Variants in GALR1 observed in about 807,000 individuals in gnomAD.
GALR1 encodes galanin receptor 1, also known as galanin receptor type 1.
Under a neutral mutation model 17.9 loss-of-function variants are expected in GALR1, and 11 were observed. The ratio of observed to expected loss-of-function variants is 0.62; its 90% CI spans 0.39 to 1.02. The LOEUF (loss-of-function observed/expected upper bound fraction) is 1.02. Ranked by LOEUF, GALR1 falls within the 50% of genes least tolerant of loss-of-function variation. GALR1 has a pLI of 0.01. For missense variants in GALR1, 441 were observed against 456.9 expected, an observed-to-expected ratio of 0.97 and a Z score of 0.32; for synonymous variants, 206 against 205.7, an observed-to-expected ratio of 1.00 and a Z score of -0.01.
intron 1 of GALR1, among the ~76,000 whole-genome samples, chr18:77,252,989 T>TCACCAC (rs1912497112): frequency 1.2e-4 from 3 of 25,020 alleles, no homozygotes; most frequent in African/African-American, 4.0e-4. Context: ...ATCACCACCA[T>TCACCAC]CACCACCACC....
rs1413637798 is a variant in GALR1 at position 77,274,003 on chromosome 18, T to G, written c.*5101T>G. The G allele has an allele frequency of 6.6e-6, 1 of 152,210 alleles. No homozygotes were observed. Among genetic ancestry groups the G allele is most frequent in the Non-Finnish European group, 1.5e-5 (1 of 68,048 alleles). 9.4% of individuals were successfully genotyped at this position (152,210 alleles called of 1,614,324 possible). ...TAGTGGTGATCGTTATGGTAACCCA[T>G]GAACTCGGATGAATTTCGGGGCCTG... On this transcript the variant is annotated 3_prime_UTR_variant, in exon 3 of 3. Transcript: ENST00000299727.
rs77169818 is a variant in GALR1 at position 77,268,645 on chromosome 18, A to T, written c.793A>T (p.Ile265Phe). ...VFGISWLPHHIIHLWAEFGVF... is the reference protein window; with the variant it reads ...VFGISWLPHHFIHLWAEFGVF... ...TGGAATCTCCTGGCTGCCGCACCAC[A>T]TCATCCATCTCTGGGCTGAGTTTGG... is the stretch of plus-strand genomic sequence containing the variant. Residue 265 changes from isoleucine to phenylalanine, a missense_variant, in exon 3 of 3, where the codon ATC (isoleucine) becomes TTC (phenylalanine). Physicochemically the swap from Ile to Phe is conservative, Grantham distance 21. Coordinates refer to ENST00000299727, the MANE Select transcript of GALR1 (RefSeq NM_001480.4). The T allele has an allele frequency of 0.045, 72,440 of 1,613,960 alleles. 2,095 individuals carry two copies. Among genetic ancestry groups the T allele is most frequent in the Admixed American group, 0.11 (6,869 of 59,994 alleles).
Position 77,250,681 on chromosome 18 carries a change from G to A in GALR1, c.133G>A (p.Ala45Thr), listed in dbSNP as rs1599352163. 1.2e-6 allele frequency: 2 copies of A among 1,612,908 alleles called. No individual in the cohort carries two copies. The highest frequency in any genetic ancestry group is 1.7e-6 in the Non-Finnish European group (2 of 1,179,820). Reference protein sequence around the residue: ...VTLVVFGLIFALGVLGNSLVI... With the variant: ...VTLVVFGLIFTLGVLGNSLVI... The stretch of plus-strand genomic sequence containing the variant: ...GCTGGTGGTGTTCGGCCTGATCTTC[G>A]CGCTGGGTGTGCTGGGCAACAGCCT... Residue 45 changes from alanine (A) to threonine (T), a missense_variant, in exon 1 of 3, where the codon GCG becomes ACG. Ala to Thr is a moderately conservative substitution (Grantham distance 58). Coordinates refer to ENST00000299727, the MANE Select transcript of GALR1 (RefSeq NM_001480.4).
In GALR1 at chr18:77,273,666, G is replaced by A. The variant is rs546608309; in HGVS notation, c.*4764G>A. On this transcript the variant is annotated 3_prime_UTR_variant, in exon 3 of 3. Transcript: ENST00000299727. ...AATAAAAATTAAAAAAAAAAAAGAA[G>A]GTGGCCAGTGAGGGTTTTATCTTTG... 1 of 151,940 alleles carries A rather than the reference G, an allele frequency of 6.6e-6. No individual in the cohort carries two copies. The highest frequency in any genetic ancestry group is 1.5e-5 in the Non-Finnish European group (1 of 68,014). 9.4% of individuals were successfully genotyped at this position (151,940 alleles called of 1,614,324 possible). A position where few individuals can be genotyped will look rare whatever the true frequency, so the allele number is the denominator to read the frequency against.
intron 2 of GALR1, among the ~76,000 whole-genome samples, chr18:77,264,305 G>A (rs187713278): frequency 9.2e-5 from 14 of 152,214 alleles, no homozygotes; most frequent in Admixed American, 2.0e-4. Context: ...ATCTGTGGTG[G>A]GACAGTGCTG....
intron 1 of GALR1, among the ~76,000 whole-genome samples, chr18:77,251,951 G>C (rs754310813): frequency 3.9e-5 from 6 of 152,222 alleles, no homozygotes; most frequent in Non-Finnish European, 8.8e-5. Context: ...CAGGCTCCAG[G>C]AACTTGGAAT....
At chr18:77,264,557 G>A (rs1157161321) in intron 2 of GALR1, among the ~76,000 whole-genome samples, 2 of 152,056 alleles carry the variant, frequency 1.3e-5, no homozygotes, top group Non-Finnish European at 2.9e-5. Context: ...CTGCTTTCCT[G>A]CTCCATGAAA....
chr18:77,263,099 C>T (rs1912868496), intron 2 of GALR1, among the ~76,000 whole-genome samples: 2 of 152,166 alleles, frequency 1.3e-5, no homozygotes, highest in African/African-American at 4.8e-5. Flanking sequence ...AATGCAATAC[C>T]CGGAGGGTAA....
At position 77,274,845 on chromosome 18, in the gene GALR1, A is replaced by G. The variant is rs1452351296; in HGVS notation, c.*5943A>G. On this transcript the variant is annotated 3_prime_UTR_variant, in exon 3 of 3. Transcript: ENST00000299727. ...CATTCACTCTTTTTATTACTTATAC[A>G]CATGTCTGTTTTTATTCTTCCCTAC... 1 of 152,160 alleles carries G rather than the reference A, an allele frequency of 6.6e-6. No individual in the cohort carries two copies. The allele number at this position is 152,160 out of a possible 1,614,324, so 9.4% of individuals were successfully genotyped here.
chr18:77,255,799 G>C (rs1912574417), intron 1 of GALR1, among the ~76,000 whole-genome samples: 2 of 152,144 alleles, frequency 1.3e-5, no homozygotes. Flanking sequence ...AATATATGGG[G>C]TCCTGGAAGA....
Position 77,273,152 on chromosome 18 carries a change from G to C in GALR1, c.*4250G>C, listed in dbSNP as rs1452104965. The C allele has an allele frequency of 1.3e-5, 2 of 152,074 alleles. No homozygotes were observed. The highest frequency in any genetic ancestry group is 2.9e-5 in the Non-Finnish European group (2 of 68,040). 9.4% of individuals were successfully genotyped at this position (152,074 alleles called of 1,614,324 possible). A position where few individuals can be genotyped will look rare whatever the true frequency, so the allele number is the denominator to read the frequency against. ...CTGAGGGTAGCATGTCTGTTTGACT[G>C]GGCAAGACCCTCACATACCTTGGCA... On this transcript the variant is annotated 3_prime_UTR_variant, in exon 3 of 3. Transcript: ENST00000299727.
chr18:77,258,483 T>C (rs1011886868), intron 2 of GALR1, among the ~76,000 whole-genome samples: 7 of 151,116 alleles, frequency 4.6e-5, no homozygotes, highest in African/African-American at 2.4e-5. Context: ...GTGGTGGTGA[T>C]GGTGGTGGGT....
Position 77,251,160 on chromosome 18 carries a change from C to G in GALR1, c.612C>G (p.Thr204=). The change falls in exon 1 of 3, where the codon ACC becomes ACG. Residue 204 remains threonine, a synonymous_variant. Transcript: ENST00000299727. ...PRHKKAYVVC[T]FVFGYLLPLL... Reference sequence around the variant, plus strand: ...ACAAGAAGGCCTACGTGGTGTGCACCTTCGTCTTCGGCTACCTGCTGCCGC... The same window carrying G: ...ACAAGAAGGCCTACGTGGTGTGCACGTTCGTCTTCGGCTACCTGCTGCCGC... The G allele has an allele frequency of 6.2e-7, 1 of 1,611,578 alleles. No homozygotes were observed.
intron 2 of GALR1, 78 bp downstream of exon 2, chr18:77,256,301 T>C: frequency 1.2e-6 from 1 of 816,412 alleles, no homozygotes; most frequent in Non-Finnish European, 2.0e-6. Flanking sequence ...TGTCCTCACG[T>C]CCATCCAAAG....
chr18:77,256,237 A>C lies in GALR1; in HGVS notation c.732+14A>C. 1.7e-6 allele frequency: 2 copies of C among 1,168,652 alleles called. No homozygotes were observed. The highest frequency in any genetic ancestry group is 2.5e-6 in the Non-Finnish European group (2 of 802,324). 72.4% of individuals were successfully genotyped at this position (1,168,652 alleles called of 1,614,324 possible). A position where few individuals can be genotyped will look rare whatever the true frequency, so the allele number is the denominator to read the frequency against. On this transcript the variant is annotated intron_variant, in intron 2 of 2. Transcript: ENST00000299727. ...TCCAAGAAAAAGGTAATGATCACAAATATATATATATATGTTACTTTTCAG... is the reference window on the plus strand; with the variant it reads ...TCCAAGAAAAAGGTAATGATCACAACTATATATATATATGTTACTTTTCAG...
At position 77,275,974 on chromosome 18, in the gene GALR1, T is replaced by C. The variant is rs567589168; in HGVS notation, c.*7072T>C. ...TGAGTGAATACACAGATTCCTAGAT[T>C]TGAGATATTTTCAAAATAGGGCTAG... On this transcript the variant is annotated 3_prime_UTR_variant, in exon 3 of 3. Coordinates refer to ENST00000299727, the MANE Select transcript of GALR1 (RefSeq NM_001480.4). 1 of 152,254 alleles carries C rather than the reference T, an allele frequency of 6.6e-6. No individual in the cohort carries two copies. Among genetic ancestry groups the C allele is most frequent in the African/African-American group, 2.4e-5 (1 of 41,540 alleles). The allele number at this position is 152,254 out of a possible 1,614,324, so 9.4% of individuals were successfully genotyped here. A position where few individuals can be genotyped will look rare whatever the true frequency, so the allele number is the denominator to read the frequency against.
In GALR1 at chr18:77,259,193, G is replaced by A. The variant is rs866170324; in HGVS notation, c.732+2970G>A. Among the ~76,000 whole-genome samples the A allele has an allele frequency of 6.4e-3, 33 of 5,166 alleles. 8 individuals are homozygous for A. Among genetic ancestry groups the A allele is most frequent in the East Asian group, 0.048 (2 of 42 alleles). The allele number at this position is 5,166 out of a possible 152,430, so 3.4% of individuals were successfully genotyped here. A position where few individuals can be genotyped will look rare whatever the true frequency, so the allele number is the denominator to read the frequency against. On this transcript the variant is annotated intron_variant, in intron 2 of 2. Coordinates refer to ENST00000299727, the MANE Select transcript of GALR1 (RefSeq NM_001480.4). Reference sequence around the variant, plus strand: ...GGTGATGATGGTGGTGATGATGGTGGTGATGATGGTGGTCATGGTGGCGAT... The same window carrying A: ...GGTGATGATGGTGGTGATGATGGTGATGATGATGGTGGTCATGGTGGCGAT...
chr18:77,259,306 T>C (rs62654098), intron 2 of GALR1, among the ~76,000 whole-genome samples: 4,777 of 19,218 alleles, frequency 0.25, 1,378 homozygotes, highest in East Asian at 0.78. Context: ...GTGGTGATGA[T>C]GGTGGTGATG....
In GALR1 at chr18:77,251,013, C is replaced by T. The variant is rs747827414; in HGVS notation, c.465C>T (p.Gly155=). 6.2e-7 allele frequency: 1 copy of T among 1,605,200 alleles called. No homozygotes were observed. ...SLRVSRNALL[G]VGCIWALSIA... Reference sequence around the variant, plus strand: ...GGGTGTCCCGCAACGCGCTGCTGGGCGTGGGCTGCATCTGGGCGCTGTCCA... The same window carrying T: ...GGGTGTCCCGCAACGCGCTGCTGGGTGTGGGCTGCATCTGGGCGCTGTCCA... The change falls in exon 1 of 3, where the codon GGC becomes GGT. Residue 155 remains glycine, a synonymous_variant. Coordinates refer to ENST00000299727, the MANE Select transcript of GALR1 (RefSeq NM_001480.4).
Sources: gnomAD v4.1 joint callset for allele counts (sites outside exome capture counted in the v4.1 genomes callset) on GRCh38, gnomAD v4.1.1 for gene constraint, MANE v1.5 for transcripts, NCBI Gene and HGNC (gene_info 2026-07-23, HGNC 2026-07-21) for gene names.